The following ABCA8 variants were observed in gnomAD, a reference collection of about 807,000 sequenced individuals.
ABCA8 encodes the protein ATP binding cassette subfamily A member 8.
A neutral mutation model predicts 192.3 loss-of-function variants in ABCA8; 177 were observed. That is an observed-to-expected ratio of 0.92 (90% CI 0.81 to 1.04). The LOEUF (loss-of-function observed/expected upper bound fraction) is 1.04. ABCA8 is among the 50% of genes least tolerant of loss of function. The pLI is 0.00. For missense variants in ABCA8, 1,915 were observed against 1,904.8 expected (o/e 1.01, Z -0.10); for synonymous variants, 642 against 690.2 (o/e 0.93, Z 1.09).
intron 17 of ABCA8, among the ~76,000 whole-genome samples, chr17:68,908,208 G>A (rs111879960): frequency 0.025 from 3,777 of 152,236 alleles, 139 homozygotes; most frequent in African/African-American, 0.081. Flanking sequence ...TACCAGGGTT[G>A]CAGTACAGCA....
chr17:68,876,360 C>G, intron 35 of ABCA8, 100 bp downstream of exon 35: 1 of 1,417,798 alleles, frequency 7.1e-7, no homozygotes, highest in Non-Finnish European at 9.8e-7. Flanking sequence ...TTTTTGTTCT[C>G]CACAAAAGAG....
At position 68,875,295 on chromosome 17, in the gene ABCA8, G is replaced by A; in HGVS notation, c.4596C>T (p.Ile1532=). ...LAQVEPLHAE[I]LRLFPQAARQ... ...GAGCAGCCTGGGGGAAAAGCCTCAG[G>A]ATCTCTGCATGGAGGGGCTCCACTT... Residue 1532 remains isoleucine, a synonymous_variant, in exon 37 of 40, where the codon ATC becomes ATT. Transcript: ENST00000586539. The A allele has an allele frequency of 2.5e-6, 4 of 1,614,012 alleles. No homozygotes were observed. Among genetic ancestry groups the A allele is most frequent in the Non-Finnish European group, 3.4e-6 (4 of 1,180,040 alleles).
chr17:68,872,662 T>A (rs907051259), intron 37 of ABCA8, among the ~76,000 whole-genome samples: 2 of 151,860 alleles, frequency 1.3e-5, no homozygotes, highest in African/African-American at 4.8e-5. Flanking sequence ...GCTCCACATG[T>A]GTCATTGCCC....
chr17:68,922,375 G>T, intron 11 of ABCA8, 75 bp from the exon 12 acceptor site: 5 of 1,033,428 alleles, frequency 4.8e-6, no homozygotes, highest in Non-Finnish European at 6.9e-6. Context: ...GACAGGATTG[G>T]ATAAATCTTA....
chr17:68,916,346 A>G (rs1026583218), intron 17 of ABCA8, among the ~76,000 whole-genome samples: 1 of 152,160 alleles, frequency 6.6e-6, no homozygotes, highest in African/African-American at 2.4e-5. Flanking sequence ...TGTTGACTAT[A>G]GTCAACATAT....
At chr17:68,936,930 A>G in intron 5 of ABCA8, 21 bp downstream of exon 5, 1 of 1,541,422 alleles carries the variant, frequency 6.5e-7, no homozygotes. Context: ...GAGTAGTGAA[A>G]TTTTAGAGCC....
At chr17:68,899,271 C>T (rs769896602) in intron 21 of ABCA8, among the ~76,000 whole-genome samples, 9 of 151,904 alleles carry the variant, frequency 5.9e-5, no homozygotes, top group Admixed American at 1.3e-4. Flanking sequence ...TAAAATAATA[C>T]ACTCAAAAGG....
At chr17:68,932,907 T>A (rs1442856127) in intron 6 of ABCA8, among the ~76,000 whole-genome samples, 4 of 152,188 alleles carry the variant, frequency 2.6e-5, no homozygotes, top group Admixed American at 2.6e-4. Flanking sequence ...GGACCTGATT[T>A]ATAGTTCTGT....
intron 37 of ABCA8, among the ~76,000 whole-genome samples, chr17:68,874,671 T>A (rs2066154060): frequency 6.6e-6 from 1 of 152,150 alleles, no homozygotes; most frequent in Admixed American, 6.5e-5. Context: ...CTTGTTATCA[T>A]TTTTTTCACC....
chr17:68,925,712 C>A (rs533267111), intron 10 of ABCA8, among the ~76,000 whole-genome samples: 1 of 152,294 alleles, frequency 6.6e-6, no homozygotes, highest in East Asian at 1.9e-4. Flanking sequence ...GTTGTTAGCA[C>A]CTATCTCTCC....
chr17:68,909,469 T>C (rs1217428241), intron 17 of ABCA8, among the ~76,000 whole-genome samples: 2 of 152,160 alleles, frequency 1.3e-5, no homozygotes, highest in Non-Finnish European at 2.9e-5. Context: ...ATTGCACAAA[T>C]AGGAGTCCAT....
Position 68,942,012 on chromosome 17 carries a change from A to G in ABCA8, c.23T>C (p.Val8Ala), listed in dbSNP as rs1567883799. ...TAATAAGGCCCAAGTTTGTTGACAC[A>G]CACTGATCTTTCTCTTCCTCATCTT... is the stretch of plus-strand genomic sequence containing the variant. MRKRKIS[V>A]CQQTWALLCK... Residue 8 changes from valine to alanine, a missense_variant, in exon 3 of 40, where the codon GTG becomes GCG. Physicochemically the swap from Val to Ala is moderately conservative, Grantham distance 64. Coordinates refer to ENST00000586539, the MANE Select transcript of ABCA8 (RefSeq NM_001288985.2). 1 of 1,612,674 alleles carries G rather than the reference A, an allele frequency of 6.2e-7. No individual in the cohort carries two copies. The highest frequency in any genetic ancestry group is 2.2e-5 in the East Asian group (1 of 44,864).
At chr17:68,910,576 T>C (rs1475916105) in intron 17 of ABCA8, among the ~76,000 whole-genome samples, 3 of 152,036 alleles carry the variant, frequency 2.0e-5, no homozygotes, top group African/African-American at 7.2e-5. Flanking sequence ...GGACTTGGGG[T>C]GCAAAAGACC....
rs1247309230 is a variant in ABCA8 at position 68,906,102 on chromosome 17, C to T, written c.2340G>A (p.Met780Ile). Residue 780 changes from methionine to isoleucine, a missense_variant, in exon 19 of 40, where the codon ATG (methionine) becomes ATA (isoleucine). Coordinates refer to ENST00000586539, the MANE Select transcript of ABCA8 (RefSeq NM_001288985.2). ...TCAGGAATACTTCATTCAAAGTTGT[C>T]ATGGAAACACCATAATTCTCAATTC... ...DLGIENYGVS[M>I]TTLNEVFLKL... The T allele has an allele frequency of 6.3e-7, 1 of 1,599,990 alleles. No homozygotes were observed. Among genetic ancestry groups the T allele is most frequent in the Non-Finnish European group, 8.5e-7 (1 of 1,173,592 alleles).
chr17:68,890,633 C>T (rs929179746), intron 24 of ABCA8, among the ~76,000 whole-genome samples: 79 of 152,322 alleles, frequency 5.2e-4, no homozygotes, highest in African/African-American at 1.8e-3. Context: ...ATTCTCCTGC[C>T]TCAGCCTCCT....
chr17:68,882,701 A>G lies in ABCA8; in HGVS notation c.3726T>C (p.Ser1242=), dbSNP rs1280209693. ...DPFFRISPRS[S]DVCQNPEEPE... is the part of the protein sequence containing the mutation. ...GTTCTTCTGGATTTTGACACACATC[A>G]CTACTTCTTGGAGAAATTCTAGAGT... Residue 1242 remains serine (S), a synonymous_variant, in exon 30 of 40, where the codon AGT becomes AGC. Coordinates refer to ENST00000586539, the MANE Select transcript of ABCA8 (RefSeq NM_001288985.2). The G allele has an allele frequency of 6.2e-7, 1 of 1,611,898 alleles. No individual in the cohort carries two copies. Among genetic ancestry groups the G allele is most frequent in the Non-Finnish European group, 8.5e-7 (1 of 1,179,356 alleles).
At chr17:68,932,555 A>T (rs2067932077) in intron 6 of ABCA8, 41 bp from the exon 7 acceptor site, 1 of 1,377,096 alleles carries the variant, frequency 7.3e-7, no homozygotes, top group Non-Finnish European at 1.0e-6. Context: ...TACGTTAATG[A>T]ACAGCATGCA....
rs2065955084 is a variant in ABCA8 at position 68,867,872 on chromosome 17, GAT to G, written c.*211_*212del. On this transcript the variant is annotated 3_prime_UTR_variant, in exon 40 of 40. Transcript: ENST00000586539. ...CAATGGAACCAGTATGGCCTGCAGA[GAT>G]ACAGAGGCTGTGAGAGGAGGTTGGC... 3.9e-6 allele frequency: 2 copies of G among 508,606 alleles called. No individual in the cohort carries two copies. The highest frequency in any genetic ancestry group is 7.0e-6 in the Non-Finnish European group (2 of 287,558). The allele number at this position is 508,606 out of a possible 1,614,324, so 31.5% of individuals were successfully genotyped here.
chr17:68,883,824 C>T lies in ABCA8; in HGVS notation c.3674G>A (p.Gly1225Glu), dbSNP rs141932821. The T allele has an allele frequency of 1.2e-3, 1,947 of 1,598,680 alleles. 22 individuals carry two copies. In the African/African-American group the frequency reaches 0.023, roughly 19 times the overall value. The change falls in exon 29 of 40, where the codon GGA becomes GAA. Residue 1225 changes from glycine to glutamate, a missense_variant. Coordinates refer to ENST00000586539, the MANE Select transcript of ABCA8 (RefSeq NM_001288985.2). ...AGGATCCTTTCTCATTGATTTCTTT[C>T]CAAACTTCCATTCCAGACATCGAAG... The part of the protein sequence containing the change: ...FTLRCLEWKF[G>E]KKSMRKDPFF...
Sources: gnomAD v4.1 joint callset for allele counts (sites outside exome capture counted in the v4.1 genomes callset) on GRCh38, gnomAD v4.1.1 for gene constraint, MANE v1.5 for transcripts, NCBI Gene and HGNC (gene_info 2026-07-23, HGNC 2026-07-21) for gene names.